Variants in CNTN3 observed in about 807,000 individuals in gnomAD.
CNTN3 encodes the protein contactin-3.
Under a neutral mutation model 119.1 loss-of-function variants are expected in CNTN3, and 60 were observed. The observed-to-expected ratio is 0.50, with a 90% CI of 0.41 to 0.62. The LOEUF (loss-of-function observed/expected upper bound fraction) is 0.62, where lower values mean the gene tolerates loss of function less well. Among genes scored for constraint, CNTN3 ranks in the 20% least tolerant of loss-of-function variants. The probability of loss-of-function intolerance (pLI) is 0.00; values close to 1 mark genes in which losing one functional copy is unlikely to be tolerated. For synonymous variants in CNTN3, 450 were observed against 438.7 expected (o/e 1.03, Z -0.32); for missense variants, 1,101 against 1,242.4 (o/e 0.89, Z 1.71).
intron 1 of CNTN3, among the ~76,000 whole-genome samples, chr3:74,591,064 C>A (rs1704694338): frequency 6.6e-6 from 1 of 151,964 alleles, no homozygotes; most frequent in Non-Finnish European, 1.5e-5. Context: ...GCATTGGCAA[C>A]CTCATCTTAG....
At chr3:74,596,011 T>C (rs987010246) in intron 1 of CNTN3, among the ~76,000 whole-genome samples, 3 of 152,138 alleles carry the variant, frequency 2.0e-5, no homozygotes, top group Admixed American at 2.0e-4. Context: ...ACAAAATCAA[T>C]GTACAAAAAT....
intron 4 of CNTN3, among the ~76,000 whole-genome samples, chr3:74,478,731 A>T (rs1014119538): frequency 5.9e-5 from 9 of 152,178 alleles, no homozygotes; most frequent in Admixed American, 5.9e-4. Flanking sequence ...AGTTTGTGCC[A>T]ACAACCAAAT....
intron 11 of CNTN3, among the ~76,000 whole-genome samples, chr3:74,356,208 G>A (rs1256254327): frequency 6.6e-6 from 1 of 152,010 alleles, no homozygotes; most frequent in Non-Finnish European, 1.5e-5. Context: ...CTGGTGCCTT[G>A]TTCTTAGACT....
chr3:74,540,192 T>C (rs1559650673), intron 1 of CNTN3, among the ~76,000 whole-genome samples: 1 of 152,184 alleles, frequency 6.6e-6, no homozygotes, highest in African/African-American at 2.4e-5. Context: ...TGTGTATACA[T>C]ATACCCAAGA....
chr3:74,285,991 A>C (rs2106784215), intron 19 of CNTN3, among the ~76,000 whole-genome samples: 1 of 151,936 alleles, frequency 6.6e-6, no homozygotes, highest in South Asian at 2.1e-4. Flanking sequence ...AAAAAAGATG[A>C]CATCATTTTC....
chr3:74,496,957 A>G (rs1387264987), intron 3 of CNTN3, among the ~76,000 whole-genome samples: 2 of 151,992 alleles, frequency 1.3e-5, no homozygotes, highest in African/African-American at 4.8e-5. Flanking sequence ...ATCAGTCTAT[A>G]AGGCAGGATT....
At chr3:74,519,161 C>T (rs1703501136) in intron 2 of CNTN3, among the ~76,000 whole-genome samples, 1 of 151,604 alleles carries the variant, frequency 6.6e-6, no homozygotes, top group Non-Finnish European at 1.5e-5. Context: ...CATATATTTG[C>T]ATGTATAATT....
At chr3:74,429,136 C>T (rs958838173) in intron 4 of CNTN3, among the ~76,000 whole-genome samples, 5 of 151,410 alleles carry the variant, frequency 3.3e-5, no homozygotes, top group African/African-American at 1.2e-4. Context: ...TAATTCTGAT[C>T]GAAATATCAG....
At chr3:74,557,640 C>T (rs1439257713) in intron 1 of CNTN3, among the ~76,000 whole-genome samples, 1 of 151,654 alleles carries the variant, frequency 6.6e-6, no homozygotes, top group Non-Finnish European at 1.5e-5. Flanking sequence ...AACATTTCCG[C>T]CAGGAACACA....
intron 1 of CNTN3, among the ~76,000 whole-genome samples, chr3:74,523,308 G>C (rs1329010206): frequency 6.6e-6 from 1 of 151,708 alleles, no homozygotes; most frequent in East Asian, 1.9e-4. Flanking sequence ...TAGATAGATA[G>C]ATAAGAGTGG....
intron 5 of CNTN3, among the ~76,000 whole-genome samples, chr3:74,401,448 T>C (rs1450004323): frequency 6.6e-6 from 1 of 152,112 alleles, no homozygotes; most frequent in Non-Finnish European, 1.5e-5. Flanking sequence ...TAGTTGAATT[T>C]ACACATTCTC....
In CNTN3 at chr3:74,298,624, C is replaced by T. The variant is rs920340606; in HGVS notation, c.2167-433G>A. ...TGGAAAAAAAAAAAAAGGCCTGGTA[C>T]GGTGGCTCACGCCTGTAATCCCAGC... On this transcript the variant is annotated intron_variant, in intron 17 of 22. Coordinates refer to ENST00000263665, the MANE Select transcript of CNTN3 (RefSeq NM_020872.3). 6.1e-5 allele frequency among the ~76,000 whole-genome samples: 9 copies of T among 147,858 alleles called. No homozygotes were observed. In the South Asian group the frequency reaches 6.4e-4, roughly 11 times the overall value.
chr3:74,368,860 AGAG>A (rs1489061779), intron 8 of CNTN3, among the ~76,000 whole-genome samples: 2 of 151,918 alleles, frequency 1.3e-5, no homozygotes, highest in Admixed American at 6.6e-5. Flanking sequence ...CCTGTTTTCT[AGAG>A]GAGAAGACAG....
chr3:74,455,940 A>C (rs1403008306), intron 4 of CNTN3, among the ~76,000 whole-genome samples: 2 of 152,134 alleles, frequency 1.3e-5, no homozygotes, highest in African/African-American at 4.8e-5. Flanking sequence ...AGTGAAGCTG[A>C]TGCTGCTAGT....
At chr3:74,424,721 A>G (rs1476498053) in intron 5 of CNTN3, 124 bp downstream of exon 5, 2 of 819,100 alleles carry the variant, frequency 2.4e-6, no homozygotes, top group Non-Finnish European at 4.1e-6. Context: ...CTCAGCAGAC[A>G]AAATCTAATG....
Position 74,413,545 on chromosome 3 carries a change from A to G in CNTN3, c.454+11300T>C, listed in dbSNP as rs1050030758. Among the ~76,000 whole-genome samples the G allele has an allele frequency of 3.9e-5, 6 of 152,244 alleles. 1 individual carries two copies. The highest frequency in any genetic ancestry group is 2.6e-4 in the Admixed American group (4 of 15,284). On this transcript the variant is annotated intron_variant, in intron 5 of 22. Coordinates refer to ENST00000263665, the MANE Select transcript of CNTN3 (RefSeq NM_020872.3). Reference sequence around the variant, plus strand: ...AACTCAAAAAAGAACTGCATTTTCTATATTTTAAAAAATGCAAATAAAGTA... The same window carrying G: ...AACTCAAAAAAGAACTGCATTTTCTGTATTTTAAAAAATGCAAATAAAGTA...
intron 1 of CNTN3, among the ~76,000 whole-genome samples, chr3:74,582,124 A>C (rs1704518599): frequency 6.6e-6 from 1 of 152,116 alleles, no homozygotes; most frequent in African/African-American, 2.4e-5. Flanking sequence ...AATATCATTT[A>C]GGCCAGGCAT....
chr3:74,529,930 G>T (rs1006170717), intron 1 of CNTN3, among the ~76,000 whole-genome samples: 1 of 145,798 alleles, frequency 6.9e-6, no homozygotes, highest in Admixed American at 6.9e-5. Flanking sequence ...AAAGGTAAAT[G>T]AAATCAAAAG....
chr3:74,429,453 C>G (rs780702773), intron 4 of CNTN3, among the ~76,000 whole-genome samples: 1 of 150,924 alleles, frequency 6.6e-6, no homozygotes, highest in Non-Finnish European at 1.5e-5. Context: ...AAAAAAAAAT[C>G]GACCTAAACT....
Sources: gnomAD v4.1 joint callset for allele counts (sites outside exome capture counted in the v4.1 genomes callset) on GRCh38, gnomAD v4.1.1 for gene constraint, MANE v1.5 for transcripts, NCBI Gene and HGNC (gene_info 2026-07-23, HGNC 2026-07-21) for gene names.